The following AGPAT5 variants were observed in gnomAD, a reference collection of about 807,000 sequenced individuals.
AGPAT5 encodes the protein 1-acylglycerol-3-phosphate O-acyltransferase 5, also known as 1-acyl-sn-glycerol-3-phosphate acyltransferase epsilon.
A neutral mutation model predicts 45.6 loss-of-function variants in AGPAT5; 46 were observed. The ratio of observed to expected loss-of-function variants is 1.01; its 90% CI spans 0.80 to 1.29. AGPAT5 has a LOEUF of 1.29. AGPAT5 is among the 50% of genes most tolerant of loss of function. The pLI, the probability that AGPAT5 is intolerant of heterozygous loss-of-function variation, is 0.00. For synonymous variants in AGPAT5, 272 were observed against 167.0 expected, an observed-to-expected ratio of 1.63 and a Z score of -4.85; for missense variants, 673 against 450.7, an observed-to-expected ratio of 1.49 and a Z score of -4.47.
chr8:6,726,780 G>C (rs930964436), intron 2 of AGPAT5, among the ~76,000 whole-genome samples: 3 of 152,134 alleles, frequency 2.0e-5, no homozygotes, highest in Non-Finnish European at 2.9e-5. Context: ...ACCTCCGAGT[G>C]CCTGTGACTT....
At chr8:6,712,667 T>G (rs1220220318) in intron 1 of AGPAT5, among the ~76,000 whole-genome samples, 1 of 152,198 alleles carries the variant, frequency 6.6e-6, no homozygotes, top group Non-Finnish European at 1.5e-5. Flanking sequence ...AGGAATGAAG[T>G]TACCTTAAAT....
Position 6,741,739 on chromosome 8 carries a change from G to T in AGPAT5, c.574G>T (p.Ala192Ser). 6.2e-7 allele frequency: 1 copy of T among 1,611,460 alleles called. No individual in the cohort carries two copies. The highest frequency in any genetic ancestry group is 8.5e-7 in the Non-Finnish European group (1 of 1,178,396). Reference sequence around the variant, plus strand: ...AGTCCTTTCAGCTAGTCAGGCATTTGCTGCCCAACGTGGTAAGTAAAAATT... The same window carrying T: ...AGTCCTTTCAGCTAGTCAGGCATTTTCTGCCCAACGTGGTAAGTAAAAATT... The part of the protein sequence containing the change: ...TKVLSASQAF[A>S]AQRGLAVLKH... The change falls in exon 5 of 8, where the codon GCT becomes TCT. Residue 192 changes from alanine (A) to serine (S), a missense_variant. Physicochemically the swap from Ala to Ser is moderately conservative, Grantham distance 99 (BLOSUM62 1). Transcript: ENST00000285518.
intron 1 of AGPAT5, among the ~76,000 whole-genome samples, chr8:6,721,666 A>G (rs1800506092): frequency 6.6e-6 from 1 of 152,184 alleles, no homozygotes; most frequent in African/African-American, 2.4e-5. Context: ...ATTGAAGTCC[A>G]TTACTTTAGA....
rs192766532 is a variant in AGPAT5 at position 6,736,827 on chromosome 8, G to A, written c.495+4177G>A. On this transcript the variant is annotated intron_variant, in intron 4 of 7. Transcript: ENST00000285518. ...TTTCACCCTGAGAGTAGAGCCTTTG[G>A]TGTTTCGTTCACTTGTCTGATTCTC... 2.6e-5 allele frequency among the ~76,000 whole-genome samples: 4 copies of A among 152,336 alleles called. No individual in the cohort carries two copies. In the South Asian group the frequency reaches 6.2e-4, roughly 24 times the overall value.
At chr8:6,745,615 C>T (rs1281772004) in intron 5 of AGPAT5, 2 of 152,102 alleles carry the variant, frequency 1.3e-5, no homozygotes, top group Non-Finnish European at 2.9e-5. Context: ...AATATCACCT[C>T]CTCTTCCTTT....
chr8:6,717,216 T>C (rs78830185), intron 1 of AGPAT5, among the ~76,000 whole-genome samples: 1,776 of 152,352 alleles, frequency 0.012, 39 homozygotes, highest in African/African-American at 0.04. Context: ...ATGTTGTTTC[T>C]TCTGTTTCTC....
rs1175356370 is a variant in AGPAT5 at position 6,761,044 on chromosome 8, G to T, written c.*3656G>T. Among the ~76,000 whole-genome samples, 1 of 152,136 alleles carries T rather than the reference G, an allele frequency of 6.6e-6. No individual in the cohort carries two copies. Among genetic ancestry groups the T allele is most frequent in the African/African-American group, 2.4e-5 (1 of 41,438 alleles). On this transcript the variant is annotated 3_prime_UTR_variant, in exon 8 of 8. Transcript: ENST00000285518. ...TAAATCTATTCCTGTAGCAACTGGG[G>T]AGTCATATATGAGGTCAAAGACATA... is the stretch of plus-strand genomic sequence containing the variant.
chr8:6,727,547 A>C (rs772220153), intron 2 of AGPAT5, among the ~76,000 whole-genome samples: 5 of 151,904 alleles, frequency 3.3e-5, no homozygotes, highest in African/African-American at 4.8e-5. Context: ...ACGCCTGGCT[A>C]ATTTTGTATT....
At chr8:6,753,825 T>C (rs1187029604) in intron 6 of AGPAT5, among the ~76,000 whole-genome samples, 1 of 152,248 alleles carries the variant, frequency 6.6e-6, no homozygotes, top group African/African-American at 2.4e-5. Context: ...GCCAGTTTAC[T>C]CCTGGAAGTG....
chr8:6,754,047 A>G (rs1312423044), intron 6 of AGPAT5, among the ~76,000 whole-genome samples: 2 of 152,208 alleles, frequency 1.3e-5, no homozygotes, highest in African/African-American at 4.8e-5. Flanking sequence ...ATTTGAGGCC[A>G]AAGGTCTCAG....
At chr8:6,732,957 G>A (rs530434069) in intron 4 of AGPAT5, among the ~76,000 whole-genome samples, 13 of 152,266 alleles carry the variant, frequency 8.5e-5, no homozygotes, top group African/African-American at 3.1e-4. Flanking sequence ...ATTTAAGCTA[G>A]TTTACAAGCT....
rs1298152360 is a variant in AGPAT5, at chr8:6,708,723, G to T, written c.55G>T (p.Val19Phe). Residue 19 changes from valine (V) to phenylalanine (F), a missense_variant, in exon 1 of 8, where the codon GTC (valine) becomes TTC (phenylalanine). Val to Phe is a conservative substitution (Grantham distance 50). Coordinates refer to ENST00000285518, the MANE Select transcript of AGPAT5 (RefSeq NM_018361.5). ...TYSMRYLLPS[V>F]VLLGTAPTYV... is the part of the protein sequence containing the mutation. Reference sequence around the variant, plus strand: ...CTCCATGCGCTACCTGCTGCCCAGCGTCGTGCTCCTGGGCACGGCGCCCAC... The same window carrying T: ...CTCCATGCGCTACCTGCTGCCCAGCTTCGTGCTCCTGGGCACGGCGCCCAC... 1 of 1,606,912 alleles carries T rather than the reference G, an allele frequency of 6.2e-7. No individual in the cohort carries two copies. The highest frequency in any genetic ancestry group is 1.1e-5 in the South Asian group (1 of 90,954).
chr8:6,728,292 GTAATA>G (rs1271013509), intron 2 of AGPAT5, among the ~76,000 whole-genome samples: 1 of 152,212 alleles, frequency 6.6e-6, no homozygotes, highest in African/African-American at 2.4e-5. Flanking sequence ...TATTGTCAAA[GTAATA>G]TAATCTCAGC....
rs1563292804 is a variant in AGPAT5 at position 6,732,584 on chromosome 8, C to T, written c.429C>T (p.Arg143=). The part of the protein sequence containing the change: ...FAQHGGIYVK[R]SAKFNEKEMR... ...AGCATGGAGGAATCTATGTAAAGCG[C>T]AGTGCCAAATTTAACGAGAAAGAGA... is the stretch of plus-strand genomic sequence containing the variant. The change falls in exon 4 of 8, where the codon CGC becomes CGT. Residue 143 remains arginine (R), a synonymous_variant. Coordinates refer to ENST00000285518, the MANE Select transcript of AGPAT5 (RefSeq NM_018361.5). The T allele has an allele frequency of 6.2e-7, 1 of 1,610,164 alleles. No individual in the cohort carries two copies. The highest frequency in any genetic ancestry group is 8.5e-7 in the Non-Finnish European group (1 of 1,178,942).
Position 6,755,123 on chromosome 8 carries a change from A to G in AGPAT5, c.818A>G (p.Glu273Gly), listed in dbSNP as rs1416446446. 1 of 1,609,810 alleles carries G rather than the reference A, an allele frequency of 6.2e-7. No homozygotes were observed. Among genetic ancestry groups the G allele is most frequent in the Non-Finnish European group, 8.5e-7 (1 of 1,179,232 alleles). ...DRIDKKDVPE[E>G]QEHMRRWLHE... ...ATCGACAAAAAAGATGTCCCAGAAG[A>G]ACAAGAACATATGAGAAGATGGCTG... The change falls in exon 7 of 8, where the codon GAA becomes GGA. Residue 273 changes from glutamate (E) to glycine (G), a missense_variant. Transcript: ENST00000285518.
chr8:6,741,529 T>G, intron 4 of AGPAT5, 132 bp from the exon 5 acceptor site: 1 of 573,546 alleles, frequency 1.7e-6, no homozygotes, highest in Non-Finnish European at 3.0e-6. Flanking sequence ...GAAGGTCACA[T>G]GTAAATAAAT....
At chr8:6,751,900 C>T (rs1284475138) in intron 6 of AGPAT5, among the ~76,000 whole-genome samples, 12 of 152,038 alleles carry the variant, frequency 7.9e-5, no homozygotes, top group Admixed American at 6.5e-4. Context: ...GTATGGAGGC[C>T]GGGCACAGTG....
chr8:6,730,019 T>C (rs1341074199), intron 2 of AGPAT5, among the ~76,000 whole-genome samples: 2 of 152,142 alleles, frequency 1.3e-5, no homozygotes, highest in East Asian at 1.9e-4. Context: ...GCTGAACATA[T>C]ATATACACAC....
intron 5 of AGPAT5, chr8:6,746,242 G>A (rs1285563838): frequency 6.6e-6 from 1 of 152,290 alleles, no homozygotes; most frequent in Non-Finnish European, 1.5e-5. Context: ...TGCATGGCAG[G>A]TGGGTGCACG....
Sources: allele counts gnomAD v4.1 joint callset (sites outside exome capture counted in the v4.1 genomes callset), GRCh38; gene constraint gnomAD v4.1.1; transcripts MANE v1.5; gene names NCBI Gene and HGNC (gene_info 2026-07-23, HGNC 2026-07-21).